Variants in YEATS2 observed in about 807,000 individuals in gnomAD.
YEATS2 encodes the protein YEATS domain-containing protein 2.
Under a neutral mutation model 163.2 loss-of-function variants are expected in YEATS2, and 77 were observed. The observed-to-expected ratio is 0.47, with a 90% CI of 0.39 to 0.57. YEATS2 has a LOEUF of 0.57. Among genes scored for constraint, YEATS2 ranks in the 20% least tolerant of loss-of-function variants. The probability of loss-of-function intolerance (pLI) is 0.00; values close to 1 mark genes in which losing one functional copy is unlikely to be tolerated. For synonymous variants in YEATS2, 631 were observed against 645.1 expected, an observed-to-expected ratio of 0.98 and a Z score of 0.33; for missense variants, 1,549 against 1,729.8, an observed-to-expected ratio of 0.90 and a Z score of 1.85.
At chr3:183,728,565 G>T (rs1717371423) in intron 6 of YEATS2, 125 bp from the exon 7 acceptor site, 1 of 843,280 alleles carries the variant, frequency 1.2e-6, no homozygotes, top group East Asian at 2.7e-5. Context: ...TGCTTGTTTA[G>T]GTGATGTAGT....
chr3:183,792,288 C>T (rs1307452574), intron 21 of YEATS2, among the ~76,000 whole-genome samples: 2 of 152,114 alleles, frequency 1.3e-5, no homozygotes, highest in African/African-American at 4.8e-5. Flanking sequence ...AATGCTCTCC[C>T]TTCCCTTGCC....
At chr3:183,711,256 G>A (rs994610005) in intron 1 of YEATS2, among the ~76,000 whole-genome samples, 14 of 151,938 alleles carry the variant, frequency 9.2e-5, no homozygotes, top group African/African-American at 3.4e-4. Context: ...GGATCACGAG[G>A]TCAGGAGATT....
At chr3:183,772,205 A>G (rs1291739705) in intron 15 of YEATS2, 100 bp from the exon 16 acceptor site, 18 of 1,519,262 alleles carry the variant, frequency 1.2e-5, no homozygotes, top group Admixed American at 7.2e-5. Context: ...ATTAGGCTGC[A>G]TGTATTATGT....
intron 15 of YEATS2, among the ~76,000 whole-genome samples, chr3:183,769,420 T>C (rs1460606498): frequency 6.6e-6 from 1 of 152,216 alleles, no homozygotes; most frequent in Admixed American, 6.5e-5. Flanking sequence ...TATTCTTCAG[T>C]TGAAGTGTTG....
At chr3:183,808,463 G>A (rs950182452) in intron 29 of YEATS2, among the ~76,000 whole-genome samples, 8 of 152,120 alleles carry the variant, frequency 5.3e-5, no homozygotes, top group Admixed American at 6.6e-5. Context: ...CGAAAATGCC[G>A]CAGCCTCCTT....
chr3:183,773,703 C>G lies in YEATS2; in HGVS notation c.2277C>G (p.Leu759=), dbSNP rs754320903. The G allele has an allele frequency of 1.2e-6, 2 of 1,613,724 alleles. No homozygotes were observed. The highest frequency in any genetic ancestry group is 1.7e-6 in the Non-Finnish European group (2 of 1,179,878). Reference sequence around the variant, plus strand: ...CAAATTTGCCTCCTGGCACTAAACTCTACCTAACTACAAACAGCAAGAACC... The same window carrying G: ...CAAATTTGCCTCCTGGCACTAAACTGTACCTAACTACAAACAGCAAGAACC... ...NLANLPPGTK[L]YLTTNSKNPS... The change falls in exon 17 of 31, where the codon CTC becomes CTG. Residue 759 remains leucine (L), a synonymous_variant. Transcript: ENST00000305135.
At chr3:183,784,350 G>A (rs1199206497) in intron 19 of YEATS2, among the ~76,000 whole-genome samples, 1 of 152,166 alleles carries the variant, frequency 6.6e-6, no homozygotes, top group Non-Finnish European at 1.5e-5. Flanking sequence ...TAGTGATACG[G>A]AGCATTTTTT....
At chr3:183,770,198 C>T (rs1312710344) in intron 15 of YEATS2, among the ~76,000 whole-genome samples, 1 of 151,502 alleles carries the variant, frequency 6.6e-6, no homozygotes, top group East Asian at 2.0e-4. Context: ...ACCGTCCTGG[C>T]TAACACGGTG....
At position 183,728,817 on chromosome 3, in the gene YEATS2, C is replaced by T; in HGVS notation, c.778C>T (p.Pro260Ser). The change falls in exon 7 of 31, where the codon CCT becomes TCT. Residue 260 changes from proline (P) to serine (S), a missense_variant. By Grantham distance (74) the Pro-to-Ser change is moderately conservative. Coordinates refer to ENST00000305135, the MANE Select transcript of YEATS2 (RefSeq NM_018023.5). ...FVKKVWFFLH[P>S]SYKPNDLVEV... ...CAAGAAGGTTTGGTTCTTCCTTCAT[C>T]CTAGCTATAAACCAAATGACCTTGT... 6.2e-7 allele frequency: 1 copy of T among 1,613,960 alleles called. No homozygotes were observed. The highest frequency in any genetic ancestry group is 1.7e-5 in the Admixed American group (1 of 59,972).
intron 21 of YEATS2, among the ~76,000 whole-genome samples, chr3:183,793,658 T>G (rs1270802150): frequency 7.3e-5 from 10 of 136,772 alleles, no homozygotes; most frequent in African/African-American, 2.8e-4. Context: ...TGTCGCCCAG[T>G]CTGGAGTGCA....
intron 20 of YEATS2, among the ~76,000 whole-genome samples, chr3:183,789,455 C>T (rs1724374612): frequency 6.7e-6 from 1 of 148,866 alleles, no homozygotes; most frequent in Non-Finnish European, 1.5e-5. Context: ...CCACAAAATT[C>T]AAGCCTTTGT....
Position 183,698,760 on chromosome 3 carries a change from A to G in YEATS2, c.-20+767A>G, listed in dbSNP as rs114264825. ...TTTTCCATTCCCTTTTCTCGCTCAC[A>G]TGTAAAAAATGCGGTATAATATTAT... is the stretch of plus-strand genomic sequence containing the variant. On this transcript the variant is annotated intron_variant, in intron 1 of 30. Transcript: ENST00000305135. 4.5e-3 allele frequency among the ~76,000 whole-genome samples: 688 copies of G among 152,224 alleles called. 6 individuals carry two copies. The highest frequency in any genetic ancestry group is 0.015 in the African/African-American group (625 of 41,524).
At chr3:183,795,636 A>G (rs1725075517) in intron 21 of YEATS2, among the ~76,000 whole-genome samples, 1 of 151,844 alleles carries the variant, frequency 6.6e-6, no homozygotes, top group African/African-American at 2.4e-5. Flanking sequence ...GATAAACATT[A>G]ATAAAAAGAA....
intron 7 of YEATS2, among the ~76,000 whole-genome samples, chr3:183,735,713 G>C (rs1298693149): frequency 4.0e-5 from 6 of 151,364 alleles, no homozygotes. Context: ...TTTTGAGATG[G>C]AGTCTTGCTC....
intron 6 of YEATS2, among the ~76,000 whole-genome samples, chr3:183,726,386 T>G (rs16858043): frequency 0.028 from 4,218 of 152,300 alleles, 186 homozygotes; most frequent in African/African-American, 0.095. Context: ...TGAGCAGATC[T>G]TAAAGGCAGA....
At chr3:183,707,644 T>C (rs1560216130) in intron 1 of YEATS2, among the ~76,000 whole-genome samples, 2 of 151,448 alleles carry the variant, frequency 1.3e-5, no homozygotes, top group African/African-American at 2.4e-5. Context: ...TGGAAGCAGA[T>C]AGAAAATGAT....
intron 8 of YEATS2, among the ~76,000 whole-genome samples, chr3:183,745,529 C>T (rs1223110360): frequency 6.6e-6 from 1 of 152,054 alleles, no homozygotes; most frequent in Non-Finnish European, 1.5e-5. Flanking sequence ...TCTTCAAGTT[C>T]TTATGTAGCT....
chr3:183,734,226 C>T (rs262983), intron 7 of YEATS2, among the ~76,000 whole-genome samples: 110,846 of 152,014 alleles, frequency 0.73, 41,514 homozygotes, highest in East Asian at 0.96. Context: ...ACTGTGCGTA[C>T]TGGGGAGAGT....
At chr3:183,800,765 G>T (rs368043860) in intron 24 of YEATS2, among the ~76,000 whole-genome samples, 197 bp downstream of exon 24, 9 of 152,298 alleles carry the variant, frequency 5.9e-5, no homozygotes, top group Admixed American at 3.3e-4. Flanking sequence ...TGTGACTAGA[G>T]GTGGCACTTG....
Sources: gnomAD v4.1 joint callset for allele counts (sites outside exome capture counted in the v4.1 genomes callset) on GRCh38, gnomAD v4.1.1 for gene constraint, MANE v1.5 for transcripts, NCBI Gene and HGNC (gene_info 2026-07-23, HGNC 2026-07-21) for gene names.